CATSPERE: variants seen among roughly 807,000 people sequenced by gnomAD.
CATSPERE encodes catsper channel auxiliary subunit epsilon, also known as cation channel sperm-associated auxiliary subunit epsilon.
A neutral mutation model predicts 114.1 loss-of-function variants in CATSPERE; 93 were observed. The ratio of observed to expected loss-of-function variants is 0.81; its 90% CI spans 0.69 to 0.97. The LOEUF (loss-of-function observed/expected upper bound fraction) is 0.97, where lower values mean the gene tolerates loss of function less well. CATSPERE is among the 50% of genes least tolerant of loss of function. CATSPERE has a pLI of 0.00. For missense variants in CATSPERE, 1,058 were observed against 1,131.6 expected (o/e 0.93, Z 0.93); for synonymous variants, 341 against 384.1 (o/e 0.89, Z 1.31).
chr1:244,464,996 C>G (rs556954436), intron 2 of CATSPERE, among the ~76,000 whole-genome samples: 1 of 147,734 alleles, frequency 6.8e-6, no homozygotes, highest in Admixed American at 6.7e-5. Context: ...TGAGCCAAAT[C>G]TCTCCCCTCC....
chr1:244,584,278 G>A (rs1285680842), intron 13 of CATSPERE, among the ~76,000 whole-genome samples: 1 of 152,020 alleles, frequency 6.6e-6, no homozygotes, highest in East Asian at 1.9e-4. Flanking sequence ...CTTCCCTAGA[G>A]GTAAACGTAA....
chr1:244,582,407 C>CT (rs67153115), intron 12 of CATSPERE, among the ~76,000 whole-genome samples: 115,327 of 143,184 alleles, frequency 0.81, 47,581 homozygotes, highest in Middle Eastern at 0.94. Flanking sequence ...TTTTCTTTTT[C>CT]TTTTTTTTTT....
intron 10 of CATSPERE, among the ~76,000 whole-genome samples, chr1:244,565,205 T>C (rs1298208956): frequency 6.6e-6 from 1 of 152,190 alleles, no homozygotes; most frequent in Non-Finnish European, 1.5e-5. Context: ...TGGCCTGAAA[T>C]TTTCTTTTTT....
At chr1:244,562,602 A>T (rs1461255179) in intron 10 of CATSPERE, among the ~76,000 whole-genome samples, 3 of 152,254 alleles carry the variant, frequency 2.0e-5, no homozygotes, top group Non-Finnish European at 4.4e-5. Flanking sequence ...GTTACTGGTT[A>T]TATAGAAGAA....
At chr1:244,513,879 G>A (rs1165701723) in intron 7 of CATSPERE, among the ~76,000 whole-genome samples, 1 of 152,196 alleles carries the variant, frequency 6.6e-6, no homozygotes, top group African/African-American at 2.4e-5. Flanking sequence ...TATGGCCACT[G>A]GCTGTAGTGG....
At chr1:244,565,911 C>A (rs1663391676) in intron 10 of CATSPERE, among the ~76,000 whole-genome samples, 1 of 152,082 alleles carries the variant, frequency 6.6e-6, no homozygotes, top group Non-Finnish European at 1.5e-5. Flanking sequence ...TTCTCTAGTT[C>A]TTTTAATTGT....
chr1:244,452,078 G>C (rs995910307), upstream of CATSPERE: 2 of 323,110 alleles, frequency 6.2e-6, no homozygotes, highest in Non-Finnish European at 5.6e-6. Context: ...TGGCGGCAAC[G>C]GCCGCCACCC....
At chr1:244,520,326 G>A (rs1677311622) in intron 8 of CATSPERE, among the ~76,000 whole-genome samples, 1 of 118,784 alleles carries the variant, frequency 8.4e-6, no homozygotes, top group Admixed American at 7.5e-5. Flanking sequence ...TTTTGTGGTA[G>A]GGGTCCAAAT....
rs188596662 is a variant in CATSPERE, at chr1:244,478,580, C to T, written c.258+605C>T. ...CACCAATCCTGCCTTTACTTTGAGG[C>T]TTGTGACTTCTCTTTAATTAAAAAG... is the stretch of plus-strand genomic sequence containing the variant. On this transcript the variant is annotated intron_variant, in intron 4 of 21. Coordinates refer to ENST00000366534, the MANE Select transcript of CATSPERE (RefSeq NM_001130957.2). Among the ~76,000 whole-genome samples the T allele has an allele frequency of 6.3e-3, 961 of 152,294 alleles. 4 individuals carry two copies. The highest frequency in any genetic ancestry group is 0.011 in the Non-Finnish European group (782 of 68,034).
intron 8 of CATSPERE, among the ~76,000 whole-genome samples, chr1:244,540,042 G>T (rs1195546235): frequency 1.3e-5 from 2 of 151,178 alleles, no homozygotes; most frequent in Non-Finnish European, 3.0e-5. Context: ...CAAACTCACA[G>T]CCAATATCAT....
chr1:244,599,238 T>C (rs2148662545), intron 17 of CATSPERE, among the ~76,000 whole-genome samples: 1 of 152,310 alleles, frequency 6.6e-6, no homozygotes, highest in African/African-American at 2.4e-5. Flanking sequence ...TCCACTGAGA[T>C]GCTAAATACA....
rs1558387500 is a variant in CATSPERE, at chr1:244,504,001, A to G, written c.429+4922A>G. ...GTTTTCTATGACCTGGAGATATTTC[A>G]TGCTTATTTTTTTCCTTTTTTTCTA... On this transcript the variant is annotated intron_variant, in intron 7 of 21. Transcript: ENST00000366534. This position sits in a 1 kb window ranked among gnomAD's most constrained non-coding sequence, Gnocchi z 4.1. 6.6e-6 allele frequency among the ~76,000 whole-genome samples: 1 copy of G among 152,148 alleles called. No homozygotes were observed. The highest frequency in any genetic ancestry group is 2.4e-5 in the African/African-American group (1 of 41,442).
At chr1:244,579,105 T>C (rs949904544) in intron 11 of CATSPERE, among the ~76,000 whole-genome samples, 9 of 152,074 alleles carry the variant, frequency 5.9e-5, no homozygotes, top group Non-Finnish European at 1.0e-4. Flanking sequence ...TGCTGTGATA[T>C]GCAATTTACT....
chr1:244,608,902 C>T (rs1212336983), intron 18 of CATSPERE, among the ~76,000 whole-genome samples: 1 of 152,088 alleles, frequency 6.6e-6, no homozygotes, highest in Non-Finnish European at 1.5e-5. Flanking sequence ...TTGCTCAATT[C>T]CTATCTTGGA....
At chr1:244,622,401 CTTTT>C (rs142928066) in intron 20 of CATSPERE, among the ~76,000 whole-genome samples, 25 of 90,560 alleles carry the variant, frequency 2.8e-4, no homozygotes, top group Middle Eastern at 6.2e-3. Flanking sequence ...CTTTCCTTTT[CTTTT>C]TTTTTTTTTT....
At chr1:244,634,956 C>T (rs2653152) in intron 20 of CATSPERE, among the ~76,000 whole-genome samples, 134,555 of 152,210 alleles carry the variant, frequency 0.88, 59,572 homozygotes, top group East Asian at 0.92. Flanking sequence ...GAGATTCTCC[C>T]GCCTCAGCCT....
intron 8 of CATSPERE, among the ~76,000 whole-genome samples, chr1:244,528,785 C>CCACACACGCACGCACGCACA (rs749801424): frequency 3.1e-4 from 41 of 130,536 alleles, no homozygotes; most frequent in African/African-American, 1.1e-3. Context: ...CAATCCCCCA[C>CCACACACGCACGCACGCACA]CACACACACA....
chr1:244,523,371 G>A (rs1458933014), intron 8 of CATSPERE, among the ~76,000 whole-genome samples: 1 of 143,396 alleles, frequency 7.0e-6, no homozygotes, highest in Non-Finnish European at 1.5e-5. Context: ...CAAAGCCACA[G>A]CCAATATCAT....
chr1:244,524,499 A>G lies in CATSPERE; in HGVS notation c.536+5801A>G, dbSNP rs563263291. Among the ~76,000 whole-genome samples, 6 of 150,474 alleles carry G rather than the reference A, an allele frequency of 4.0e-5. No individual in the cohort carries two copies. The South Asian group carries it at 8.3e-4, about 21-fold the overall frequency. ...CAAAATTGACAAATGGGATGTAATT[A>G]AACTAAAGAGCTTCTGCACAGCAAA... On this transcript the variant is annotated intron_variant, in intron 8 of 21. Coordinates refer to ENST00000366534, the MANE Select transcript of CATSPERE (RefSeq NM_001130957.2).
Sources: gnomAD v4.1 joint callset for allele counts (sites outside exome capture counted in the v4.1 genomes callset) on GRCh38, gnomAD v4.1.1 for gene constraint, Gnocchi (gnomAD v3.1) non-coding constraint, MANE v1.5 for transcripts, NCBI Gene and HGNC (gene_info 2026-07-23, HGNC 2026-07-21) for gene names.